MYLK: variants seen among roughly 807,000 people sequenced by gnomAD.
The protein encoded by MYLK is myosin light chain kinase, smooth muscle.
A neutral mutation model predicts 203.4 loss-of-function variants in MYLK; 106 were observed. That is an observed-to-expected ratio of 0.52 (90% CI 0.45 to 0.61). The LOEUF (loss-of-function observed/expected upper bound fraction) is 0.61. Among genes scored for constraint, MYLK ranks in the 20% least tolerant of loss-of-function variants. MYLK has a pLI of 0.00. For synonymous variants in MYLK, 867 were observed against 959.5 expected, an observed-to-expected ratio of 0.90 and a Z score of 1.78; for missense variants, 2,072 against 2,442.3, an observed-to-expected ratio of 0.85 and a Z score of 3.20.
rs76805008 is a variant in MYLK, at chr3:123,615,301, C to A, written c.5501-952G>T. On this transcript the variant is annotated intron_variant, in intron 33 of 33. Transcript: ENST00000360304. Reference sequence around the variant, plus strand: ...TCCAATTCCAACTCTACACCTAGATCTGAATACCTTCTTAGATTGAAAATA... The same window carrying A: ...TCCAATTCCAACTCTACACCTAGATATGAATACCTTCTTAGATTGAAAATA... Among the ~76,000 whole-genome samples the A allele has an allele frequency of 0.022, 3,363 of 152,094 alleles. 188 individuals carry two copies. In the East Asian group the frequency reaches 0.23, roughly 10 times the overall value.
chr3:123,647,192 G>C, intron 27 of MYLK, 32 bp downstream of exon 27: 1 of 1,607,126 alleles, frequency 6.2e-7, no homozygotes, highest in South Asian at 1.1e-5. Context: ...GGCTCCCTGT[G>C]GTGCCCACGC....
At chr3:123,735,598 A>T in intron 8 of MYLK, 182 bp from the exon 9 acceptor site, 1 of 662,440 alleles carries the variant, frequency 1.5e-6, no homozygotes, top group Non-Finnish European at 2.7e-6. Context: ...TCAAAGCTTC[A>T]GGTTCTGTCC....
intron 4 of MYLK, among the ~76,000 whole-genome samples, chr3:123,773,529 A>G (rs2063955846): frequency 6.6e-6 from 1 of 152,262 alleles, no homozygotes; most frequent in Non-Finnish European, 1.5e-5. Context: ...TTGAAATGAA[A>G]GAATAAGGGA....
intron 2 of MYLK, among the ~76,000 whole-genome samples, chr3:123,850,019 T>C (rs2030563312): frequency 1.3e-5 from 2 of 152,334 alleles, no homozygotes; most frequent in Admixed American, 6.5e-5. Flanking sequence ...TTGCGATAGT[T>C]TGCTGAGAAG....
intron 13 of MYLK, chr3:123,716,225 T>C (rs1388166074): frequency 2.6e-5 from 4 of 152,204 alleles, no homozygotes; most frequent in African/African-American, 7.2e-5. Flanking sequence ...AAGAGTTACA[T>C]TCTCCCTGCT....
chr3:123,859,894 A>G (rs1382884363), intron 2 of MYLK, among the ~76,000 whole-genome samples: 1 of 152,120 alleles, frequency 6.6e-6, no homozygotes, highest in African/African-American at 2.4e-5. Context: ...TTTAGGTAAC[A>G]GATACAAAAA....
chr3:123,646,543 G>A (rs377223426), intron 27 of MYLK, among the ~76,000 whole-genome samples: 46 of 152,332 alleles, frequency 3.0e-4, no homozygotes, highest in South Asian at 1.4e-3. Context: ...GTGTGTGTGC[G>A]TGTGTACACG....
chr3:123,791,692 T>G (rs182573133), intron 4 of MYLK, among the ~76,000 whole-genome samples: 1 of 152,234 alleles, frequency 6.6e-6, no homozygotes, highest in African/African-American at 2.4e-5. Context: ...TTTTGACATA[T>G]AGTCCACATG....
At chr3:123,738,280 GCTTGT>G (rs1365925775) in intron 7 of MYLK, among the ~76,000 whole-genome samples, 2 of 152,252 alleles carry the variant, frequency 1.3e-5, no homozygotes, top group East Asian at 1.9e-4. Context: ...AGATTGTCAG[GCTTGT>G]CTTGACTCAG....
At chr3:123,838,795 G>T (rs2066527586) in intron 2 of MYLK, among the ~76,000 whole-genome samples, 1 of 152,170 alleles carries the variant, frequency 6.6e-6, no homozygotes, top group South Asian at 2.1e-4. Flanking sequence ...GAGATAAAAT[G>T]AAATAATAAA....
intron 20 of MYLK, among the ~76,000 whole-genome samples, chr3:123,677,352 A>G (rs557925084): frequency 6.6e-6 from 1 of 152,344 alleles, no homozygotes; most frequent in African/African-American, 2.4e-5. Context: ...AAGGCCACAT[A>G]TTTAACTACT....
In MYLK at chr3:123,709,745, CAG is replaced by C. The variant is rs759021959; in HGVS notation, c.1942+9_1942+10del. ...CATGTTAATCCCCAAGAGAGAGCTGCAGAGACAGACCTGACACTTGGACAGTC... is the reference window on the plus strand; with the variant it reads ...CATGTTAATCCCCAAGAGAGAGCTGCAGACAGACCTGACACTTGGACAGTC... On this transcript the variant is annotated intron_variant, in intron 14 of 33. Transcript: ENST00000360304. The C allele has an allele frequency of 1.2e-6, 2 of 1,613,468 alleles. No individual in the cohort carries two copies. The highest frequency in any genetic ancestry group is 1.7e-6 in the Non-Finnish European group (2 of 1,179,868).
chr3:123,851,108 C>T (rs1337661071), intron 2 of MYLK, among the ~76,000 whole-genome samples: 1 of 152,146 alleles, frequency 6.6e-6, no homozygotes, highest in African/African-American at 2.4e-5. Context: ...GTCTATATCT[C>T]TGTTTTGGTA....
intron 27 of MYLK, chr3:123,646,908 G>T: frequency 2.6e-6 from 1 of 389,470 alleles, no homozygotes; most frequent in South Asian, 3.0e-5. Flanking sequence ...AAGGAGCCTA[G>T]GGATAGCTTT....
chr3:123,731,526 T>C (rs1453706441), intron 11 of MYLK, among the ~76,000 whole-genome samples: 3 of 152,242 alleles, frequency 2.0e-5, no homozygotes, highest in East Asian at 3.8e-4. Context: ...GGCATTCTAC[T>C]ATATGGATAC....
chr3:123,781,339 G>C (rs1275767901), intron 4 of MYLK, among the ~76,000 whole-genome samples: 1 of 152,224 alleles, frequency 6.6e-6, no homozygotes, highest in Non-Finnish European at 1.5e-5. Flanking sequence ...CTGCCCTCCA[G>C]TGGCTGGACA....
At chr3:123,677,918 T>TATAGAC (rs1273803739) in intron 20 of MYLK, among the ~76,000 whole-genome samples, 1 of 78,918 alleles carries the variant, frequency 1.3e-5, no homozygotes, top group African/African-American at 6.1e-5. Flanking sequence ...TATATATATA[T>TATAGAC]ACACACACAC....
intron 20 of MYLK, among the ~76,000 whole-genome samples, chr3:123,673,759 T>C (rs2059991666): frequency 6.6e-6 from 1 of 152,162 alleles, no homozygotes. Context: ...TCTGACACCC[T>C]AAACTTTGTG....
intron 22 of MYLK, among the ~76,000 whole-genome samples, chr3:123,664,989 A>C (rs2059689394): frequency 6.6e-6 from 1 of 152,298 alleles, no homozygotes; most frequent in African/African-American, 2.4e-5. Flanking sequence ...AATGTCTGCT[A>C]ATGGGTCTGG....
Sources: gnomAD v4.1 joint callset for allele counts (sites outside exome capture counted in the v4.1 genomes callset) on GRCh38, gnomAD v4.1.1 for gene constraint, MANE v1.5 for transcripts, NCBI Gene and HGNC (gene_info 2026-07-23, HGNC 2026-07-21) for gene names.